SESN1: variants seen among roughly 807,000 people sequenced by gnomAD.
SESN1 encodes sestrin 1.
SESN1 carries 30 observed loss-of-function variants against 59.3 expected under a neutral mutation model. The ratio of observed to expected loss-of-function variants is 0.51; its 90% CI spans 0.38 to 0.69. The LOEUF is 0.69. SESN1 is among the 30% of genes least tolerant of loss of function. The pLI is 0.00. For synonymous variants in SESN1, 197 were observed against 219.9 expected (o/e 0.90, Z 0.92); for missense variants, 566 against 673.0 (o/e 0.84, Z 1.76).
At chr6:109,078,387 A>C (rs1347836042) in intron 1 of SESN1, among the ~76,000 whole-genome samples, 1 of 152,152 alleles carries the variant, frequency 6.6e-6, no homozygotes, top group African/African-American at 2.4e-5. Context: ...GTCTCAAAAT[A>C]AAATAAAATA....
chr6:108,989,254 T>C (rs1779290156), intron 8 of SESN1, among the ~76,000 whole-genome samples: 2 of 152,130 alleles, frequency 1.3e-5, no homozygotes. Flanking sequence ...CTGCCCGCCT[T>C]GGCTTCCCAA....
intron 1 of SESN1, among the ~76,000 whole-genome samples, chr6:109,018,508 C>T (rs1446016215): frequency 6.6e-6 from 1 of 152,192 alleles, no homozygotes; most frequent in Non-Finnish European, 1.5e-5. Context: ...AGGAGAGGCT[C>T]AGGCACATTT....
intron 1 of SESN1, among the ~76,000 whole-genome samples, chr6:109,060,490 C>G (rs1176291812): frequency 6.6e-6 from 1 of 152,084 alleles, no homozygotes; most frequent in Non-Finnish European, 1.5e-5. Context: ...TAGTTCAGTA[C>G]TGTGCAGTTT....
At chr6:108,990,151 T>C (rs1386578134) in intron 8 of SESN1, among the ~76,000 whole-genome samples, 1 of 152,220 alleles carries the variant, frequency 6.6e-6, no homozygotes, top group Non-Finnish European at 1.5e-5. Flanking sequence ...ATTTTCAATG[T>C]AACATAGTAA....
rs190930696 is a variant in SESN1 at position 109,023,494 on chromosome 6, T to A, written c.280-21151A>T. ...TATAAATAATGTTAGTGGATGTGCC[T>A]ATGTTGTGTTCAGTTTTAAGGCACA... is the stretch of plus-strand genomic sequence containing the variant. On this transcript the variant is annotated intron_variant, in intron 1 of 9. Transcript: ENST00000436639. 7.2e-5 allele frequency among the ~76,000 whole-genome samples: 11 copies of A among 152,356 alleles called. No homozygotes were observed. In the East Asian group the frequency reaches 1.7e-3, roughly 24 times the overall value.
intron 1 of SESN1, among the ~76,000 whole-genome samples, chr6:109,031,735 G>A (rs1562464219): frequency 6.6e-6 from 1 of 152,106 alleles, no homozygotes; most frequent in Non-Finnish European, 1.5e-5. Context: ...AAATCCCTTG[G>A]TACATAATGG....
chr6:109,045,423 C>G (rs536558338), intron 1 of SESN1, among the ~76,000 whole-genome samples: 9 of 152,080 alleles, frequency 5.9e-5, no homozygotes, highest in African/African-American at 2.2e-4. Flanking sequence ...TTCCCCCTAA[C>G]TTTCAAAATA....
intron 1 of SESN1, among the ~76,000 whole-genome samples, chr6:109,027,519 T>C (rs1001237363): frequency 1.4e-5 from 2 of 145,104 alleles, no homozygotes; most frequent in Non-Finnish European, 3.0e-5. Flanking sequence ...TCTTCACCAA[T>C]GCTCAGCATT....
chr6:109,002,009 T>C (rs944169028), intron 2 of SESN1, among the ~76,000 whole-genome samples: 7 of 149,952 alleles, frequency 4.7e-5, no homozygotes, highest in African/African-American at 9.7e-5. Flanking sequence ...CATCTAAATA[T>C]AAGCAGATGT....
chr6:109,030,342 A>G (rs1457851273), intron 1 of SESN1, among the ~76,000 whole-genome samples: 1 of 152,250 alleles, frequency 6.6e-6, no homozygotes, highest in Non-Finnish European at 1.5e-5. Context: ...CAAAGGCATG[A>G]TCAAGGCTCT....
intron 1 of SESN1, among the ~76,000 whole-genome samples, chr6:109,045,109 C>T (rs965058935): frequency 1.3e-5 from 2 of 152,126 alleles, no homozygotes; most frequent in Admixed American, 1.3e-4. Flanking sequence ...CCACGAAGGC[C>T]TTCATTATAC....
Position 109,038,233 on chromosome 6 carries a change from C to T in SESN1, c.280-35890G>A, listed in dbSNP as rs763063584. On this transcript the variant is annotated intron_variant, in intron 1 of 9. Coordinates refer to ENST00000436639, the MANE Select transcript of SESN1 (RefSeq NM_014454.3). ...GCCAGCTGGGCACAGTGGCTCACGC[C>T]TATAATCCCAGCACTTTGAGAGACC... is the stretch of plus-strand genomic sequence containing the variant. Among the ~76,000 whole-genome samples the T allele has an allele frequency of 2.6e-5, 4 of 152,226 alleles. No homozygotes were observed. The East Asian group carries it at 7.7e-4, about 29-fold the overall frequency.
chr6:109,025,797 T>C (rs1780082794), intron 1 of SESN1, among the ~76,000 whole-genome samples: 1 of 151,580 alleles, frequency 6.6e-6, no homozygotes, highest in Admixed American at 6.6e-5. Context: ...AGAAATGAAA[T>C]TTATGAGAGA....
rs1779355387 is a variant in SESN1, at chr6:108,990,668, A to G, written c.1401T>C (p.Tyr467=). The G allele has an allele frequency of 6.2e-7, 1 of 1,614,014 alleles. No individual in the cohort carries two copies. The highest frequency in any genetic ancestry group is 1.3e-5 in the African/African-American group (1 of 74,930). ...ACCTTATTCCAAACATGCAGTGAAT[A>G]TAGTTCCAAATTGCCCGTCTAAGCA... is the stretch of plus-strand genomic sequence containing the variant. ...TSMLRRAIWN[Y]IHCMFGIRYD... is the part of the protein sequence containing the mutation. Residue 467 remains tyrosine, a synonymous_variant, in exon 8 of 10, where the codon TAT becomes TAC. Coordinates refer to ENST00000436639, the MANE Select transcript of SESN1 (RefSeq NM_014454.3).
At chr6:109,004,372 T>C (rs1325022428) in intron 1 of SESN1, among the ~76,000 whole-genome samples, 1 of 150,754 alleles carries the variant, frequency 6.6e-6, no homozygotes. Context: ...TATTTGCCAC[T>C]CAAATAACAA....
At chr6:109,007,754 AG>A (rs1427467950) in intron 1 of SESN1, among the ~76,000 whole-genome samples, 3 of 150,518 alleles carry the variant, frequency 2.0e-5, no homozygotes, top group Admixed American at 1.3e-4. Flanking sequence ...TAATACTAAT[AG>A]GTAATTCAGA....
chr6:109,006,613 A>T (rs1377418778), intron 1 of SESN1, among the ~76,000 whole-genome samples: 1 of 152,058 alleles, frequency 6.6e-6, no homozygotes, highest in Non-Finnish European at 1.5e-5. Flanking sequence ...ATCTTTCATT[A>T]TTATTCTTTT....
chr6:109,019,229 C>CA (rs774058940), intron 1 of SESN1, among the ~76,000 whole-genome samples: 1 of 152,124 alleles, frequency 6.6e-6, no homozygotes, highest in Non-Finnish European at 1.5e-5. Flanking sequence ...ACACACCCCT[C>CA]ATGATCTGTA....
At chr6:108,996,042 C>T (rs377012898) in intron 5 of SESN1, among the ~76,000 whole-genome samples, 41 of 152,284 alleles carry the variant, frequency 2.7e-4, no homozygotes, top group Admixed American at 1.6e-3. Context: ...AATTGTTACT[C>T]GCATGATATT....
Sources: allele counts gnomAD v4.1 joint callset (sites outside exome capture counted in the v4.1 genomes callset), GRCh38; gene constraint gnomAD v4.1.1; transcripts MANE v1.5; gene names NCBI Gene and HGNC (gene_info 2026-07-23, HGNC 2026-07-21).